Variants in SNW1 observed in about 807,000 individuals in gnomAD.
SNW1 encodes the protein SNW domain-containing protein 1.
Under a neutral mutation model 75.6 loss-of-function variants are expected in SNW1, and 9 were observed. That is an observed-to-expected ratio of 0.12 (90% CI 0.07 to 0.21). The LOEUF (loss-of-function observed/expected upper bound fraction) is 0.21, where lower values mean the gene tolerates loss of function less well. Among genes scored for constraint, SNW1 ranks in the 10% least tolerant of loss-of-function variants. SNW1 has a pLI of 1.00. For missense variants in SNW1, 409 were observed against 670.9 expected, an observed-to-expected ratio of 0.61 and a Z score of 4.31; for synonymous variants, 200 against 219.1, an observed-to-expected ratio of 0.91 and a Z score of 0.77.
At chr14:77,761,025 G>C (rs758140568) in intron 1 of SNW1, 89 bp downstream of exon 1, 7 of 1,614,200 alleles carry the variant, frequency 4.3e-6, no homozygotes, top group Admixed American at 1.7e-5. Flanking sequence ...CCCCGGGTCA[G>C]GTCACCGCCC....
In SNW1 at chr14:77,734,953, AT is replaced by A; in HGVS notation, c.767del (p.Asn256MetfsTer9). The A allele has an allele frequency of 1.9e-6, 3 of 1,608,150 alleles. No homozygotes were observed. Among genetic ancestry groups the A allele is most frequent in the Non-Finnish European group, 2.6e-6 (3 of 1,174,936 alleles). ...GATTTGACAACTTAATTACCTTTGC[AT>A]TTTTCCAGTTAGAAATACAAGGAGG... ...KIPPCISNWK[N>X]AKGYTIPLDK... On this transcript the variant is annotated frameshift_variant, in exon 8 of 14. Transcript: ENST00000261531. LOFTEE classifies it high-confidence loss of function.
At chr14:77,746,579 C>A (rs2080761844) in intron 3 of SNW1, among the ~76,000 whole-genome samples, 1 of 152,032 alleles carries the variant, frequency 6.6e-6, no homozygotes. Flanking sequence ...AACAAATAAT[C>A]ATGTTCAACA....
rs2080884274 is a variant in SNW1 at position 77,760,855 on chromosome 14, C to A, written c.14+259G>T. The A allele has an allele frequency of 6.4e-6, 5 of 782,794 alleles. No individual in the cohort carries two copies. The East Asian group carries it at 1.1e-4, about 17-fold the overall frequency. 48.5% of individuals were successfully genotyped at this position (782,794 alleles called of 1,614,324 possible). On this transcript the variant is annotated intron_variant, in intron 1 of 13. Coordinates refer to ENST00000261531, the MANE Select transcript of SNW1 (RefSeq NM_012245.3). ...CCCGCAAGATGCTCACGCGAAAAAC[C>A]CACTCTTCAGTGTCTGAGACCACTC...
intron 3 of SNW1, among the ~76,000 whole-genome samples, chr14:77,746,967 G>A: frequency 6.6e-6 from 1 of 151,146 alleles, no homozygotes; most frequent in Non-Finnish European, 1.5e-5. Flanking sequence ...CTGATGCTGA[G>A]CCGAGGCTGG....
At chr14:77,757,332 G>A (rs979335083) in intron 1 of SNW1, among the ~76,000 whole-genome samples, 1 of 152,276 alleles carries the variant, frequency 6.6e-6, no homozygotes, top group Non-Finnish European at 1.5e-5. Flanking sequence ...TCCAGTCTGG[G>A]GAGGTAAGTG....
chr14:77,735,183 T>C (rs2080660931), intron 7 of SNW1, among the ~76,000 whole-genome samples, 171 bp from the exon 8 acceptor site: 1 of 152,246 alleles, frequency 6.6e-6, no homozygotes, highest in African/African-American at 2.4e-5. Context: ...ATAATTCTAG[T>C]AATAACTTTG....
intron 3 of SNW1, among the ~76,000 whole-genome samples, chr14:77,744,446 C>CAAAAAAAAAAAA (rs11335115): frequency 1.2e-5 from 1 of 82,960 alleles, no homozygotes; most frequent in Non-Finnish European, 2.2e-5. Context: ...GTCTCCATCT[C>CAAAAAAAAAAAA]AAAAAAAAAA....
intron 8 of SNW1, chr14:77,734,013 C>A: frequency 5.3e-6 from 2 of 374,544 alleles, no homozygotes; most frequent in South Asian, 3.9e-5. Context: ...CCAATCAACT[C>A]AAATCAGACC....
chr14:77,738,795 A>C lies in SNW1; in HGVS notation c.516T>G (p.Ala172=). The C allele has an allele frequency of 6.2e-7, 1 of 1,613,724 alleles. No individual in the cohort carries two copies. Among genetic ancestry groups the C allele is most frequent in the Non-Finnish European group, 8.5e-7 (1 of 1,179,618 alleles). The change falls in exon 5 of 14, where the codon GCT becomes GCG. Residue 172 remains alanine, a synonymous_variant. Transcript: ENST00000261531. ...AMPVRAADKL[A]PAQYIRYTPS... ...ATTCATACCGGATATACTGAGCAGG[A>C]GCCAATTTGTCAGCTGCTCGAACTG...
intron 10 of SNW1, 74 bp downstream of exon 10, chr14:77,730,914 G>A (rs1259918660): frequency 1.3e-6 from 2 of 1,525,972 alleles, no homozygotes; most frequent in Non-Finnish European, 1.8e-6. Context: ...ATATGCAGTA[G>A]GAAAAAGATT....
At chr14:77,755,191 C>A in intron 1 of SNW1, 71 bp from the exon 2 acceptor site, 1 of 1,360,202 alleles carries the variant, frequency 7.4e-7, no homozygotes. Flanking sequence ...TGCAACTTGG[C>A]CACAGAGACA....
chr14:77,753,842 A>C (rs1013153463), intron 2 of SNW1, among the ~76,000 whole-genome samples: 1 of 151,744 alleles, frequency 6.6e-6, no homozygotes. Context: ...AATCCTGGCT[A>C]CTTGGGAGGC....
intron 10 of SNW1, 75 bp from the exon 11 acceptor site, chr14:77,723,352 T>C (rs1341042014): frequency 1.8e-6 from 2 of 1,132,148 alleles, no homozygotes; most frequent in Non-Finnish European, 2.7e-6. Context: ...TGTGTATATA[T>C]ATAATTTTTT....
intron 3 of SNW1, among the ~76,000 whole-genome samples, chr14:77,742,659 T>C (rs1156678606): frequency 6.6e-6 from 1 of 151,970 alleles, no homozygotes; most frequent in East Asian, 1.9e-4. Context: ...TATCATGGGG[T>C]CAGTTTAAAG....
At chr14:77,747,669 G>A (rs7159310) in intron 3 of SNW1, among the ~76,000 whole-genome samples, 97,631 of 150,476 alleles carry the variant, frequency 0.65, 31,903 homozygotes, top group South Asian at 0.72. Context: ...AGTGAGGAGC[G>A]ACTCCGCCCG....
chr14:77,736,081 T>C (rs974609872), intron 6 of SNW1, 75 bp from the exon 7 acceptor site: 9 of 1,047,140 alleles, frequency 8.6e-6, no homozygotes, highest in Admixed American at 4.5e-5. Context: ...CTCTCCTCCT[T>C]TTTCTTGCAT....
chr14:77,758,623 T>G (rs1342077775), intron 1 of SNW1, among the ~76,000 whole-genome samples: 2 of 152,208 alleles, frequency 1.3e-5, no homozygotes, highest in African/African-American at 4.8e-5. Flanking sequence ...GAAATTGCAT[T>G]ATGATTTTAC....
At chr14:77,756,361 T>A (rs2080842748) in intron 1 of SNW1, among the ~76,000 whole-genome samples, 1 of 152,038 alleles carries the variant, frequency 6.6e-6, no homozygotes, top group African/African-American at 2.4e-5. Context: ...ACTCCTGACC[T>A]CAAGTGATCC....
At position 77,739,057 on chromosome 14, in the gene SNW1, A is replaced by G. The variant is rs1399931660; in HGVS notation, c.335T>C (p.Ile112Thr). 3.7e-6 allele frequency: 6 copies of G among 1,610,400 alleles called. No homozygotes were observed. The highest frequency in any genetic ancestry group is 3.7e-4 in the Middle Eastern group (2 of 5,450). ...AACCAGGTCAGTGTATTTGCTATAA[A>G]TGACCTAAAATGTTCAAACACAAGC... ...ARQGQSKDKV[I>T]YSKYTDLVPK... Residue 112 changes from isoleucine to threonine, a missense_variant, in exon 4 of 14, where the codon ATT becomes ACT. Physicochemically the swap from Ile to Thr is moderately conservative, Grantham distance 89. Coordinates refer to ENST00000261531, the MANE Select transcript of SNW1 (RefSeq NM_012245.3).
Sources: allele counts gnomAD v4.1 joint callset (sites outside exome capture counted in the v4.1 genomes callset), GRCh38; gene constraint gnomAD v4.1.1; transcripts MANE v1.5; gene names NCBI Gene and HGNC (gene_info 2026-07-23, HGNC 2026-07-21).